Variants in FYB1 observed in about 807,000 individuals in gnomAD.
The protein encoded by FYB1 is FYN binding protein 1, also known as FYN-binding protein 1.
FYB1 carries 41 observed loss-of-function variants against 94.1 expected under a neutral mutation model. The ratio of observed to expected loss-of-function variants is 0.44; its 90% confidence interval spans 0.34 to 0.57. The LOEUF is 0.57. FYB1 is among the 20% of genes least tolerant of loss of function. FYB1 has a pLI of 0.02. For missense variants in FYB1, 1,050 were observed against 976.8 expected, an observed-to-expected ratio of 1.07 and a Z score of -1.00; for synonymous variants, 367 against 353.2, an observed-to-expected ratio of 1.04 and a Z score of -0.44.
intron 2 of FYB1, among the ~76,000 whole-genome samples, chr5:39,184,642 A>G (rs895973929): frequency 7.9e-5 from 12 of 152,202 alleles, no homozygotes; most frequent in African/African-American, 2.7e-4. Flanking sequence ...TGCTATTGAA[A>G]ACTGGACTTT....
Position 39,243,504 on chromosome 5 carries a change from C to G in FYB1, c.-28+30899G>C, listed in dbSNP as rs1292958217. On this transcript the variant is annotated intron_variant, in intron 1 of 1. Transcript: ENST00000510188. ...TGTTCTGTTCCATTGGTCTATATCT[C>G]TGTTTTGGTACCAGTACCATGCTGT... Among the ~76,000 whole-genome samples the G allele has an allele frequency of 8.5e-4, 129 of 152,078 alleles. 1 individual carries two copies. The highest frequency in any genetic ancestry group is 2.9e-3 in the African/African-American group (119 of 41,374).
chr5:39,159,583 G>A (rs1744065784), intron 2 of FYB1, among the ~76,000 whole-genome samples: 1 of 152,068 alleles, frequency 6.6e-6, no homozygotes, highest in African/African-American at 2.4e-5. Flanking sequence ...TACTACAGAT[G>A]ACCTTACCTC....
chr5:39,186,819 C>A (rs952257976), intron 2 of FYB1, among the ~76,000 whole-genome samples: 3 of 151,948 alleles, frequency 2.0e-5, no homozygotes, highest in Non-Finnish European at 4.4e-5. Context: ...GTACTAGGAA[C>A]TGTGCTACGT....
At chr5:39,200,496 G>A (rs1008019814) in intron 2 of FYB1, among the ~76,000 whole-genome samples, 2 of 152,204 alleles carry the variant, frequency 1.3e-5, no homozygotes, top group Non-Finnish European at 2.9e-5. Flanking sequence ...GAAGAAATAA[G>A]AGAAATAAGG....
chr5:39,171,105 T>C (rs1238292334), intron 2 of FYB1, among the ~76,000 whole-genome samples: 1 of 151,930 alleles, frequency 6.6e-6, no homozygotes, highest in African/African-American at 2.4e-5. Context: ...CTGGCCAACA[T>C]GGTGAAACCC....
chr5:39,205,932 T>C (rs2150508568), intron 1 of FYB1, among the ~76,000 whole-genome samples: 1 of 152,322 alleles, frequency 6.6e-6, no homozygotes, highest in African/African-American at 2.4e-5. Flanking sequence ...GTAAAATTCT[T>C]AGATAAGAAT....
At chr5:39,172,801 A>G (rs1423135773) in intron 2 of FYB1, among the ~76,000 whole-genome samples, 1 of 152,214 alleles carries the variant, frequency 6.6e-6, no homozygotes, top group Non-Finnish European at 1.5e-5. Flanking sequence ...GTTGCTGCAT[A>G]GTATTCCATG....
chr5:39,230,429 C>T (rs1750669944), intron 1 of FYB1, among the ~76,000 whole-genome samples: 1 of 152,086 alleles, frequency 6.6e-6, no homozygotes, highest in Non-Finnish European at 1.5e-5. Flanking sequence ...TCTGCCCACA[C>T]CTCAGAGGCT....
chr5:39,178,830 GT>G (rs1745962089), intron 2 of FYB1, among the ~76,000 whole-genome samples: 1 of 152,180 alleles, frequency 6.6e-6, no homozygotes, highest in Admixed American at 6.5e-5. Flanking sequence ...CATTGCAATA[GT>G]TTTCTGATAG....
intron 2 of FYB1, among the ~76,000 whole-genome samples, chr5:39,166,583 C>G (rs1037962342): frequency 6.6e-6 from 1 of 151,934 alleles, no homozygotes; most frequent in East Asian, 1.9e-4. Flanking sequence ...ATGGATGACA[C>G]TGATAAAGAA....
At chr5:39,122,516 C>G (rs1382082267) in intron 13 of FYB1, 114 bp from the exon 14 acceptor site, 2 of 617,552 alleles carry the variant, frequency 3.2e-6, no homozygotes, top group Non-Finnish European at 5.7e-6. Context: ...AATAAGTTGT[C>G]CTAGTGTCTC....
intron 2 of FYB1, among the ~76,000 whole-genome samples, chr5:39,185,298 C>T (rs1746645172): frequency 6.6e-6 from 1 of 151,960 alleles, no homozygotes; most frequent in South Asian, 2.1e-4. Context: ...ATTTTTCACT[C>T]TTCTTTGCAT....
intron 1 of FYB1, chr5:39,269,758 C>A (rs1752595091): frequency 6.6e-6 from 1 of 152,210 alleles, no homozygotes; most frequent in Admixed American, 6.6e-5. Flanking sequence ...TGGGGGCTGA[C>A]AAAAGGCAGG....
chr5:39,118,235 C>T (rs531329676), intron 16 of FYB1, among the ~76,000 whole-genome samples: 36 of 152,212 alleles, frequency 2.4e-4, no homozygotes, highest in Non-Finnish European at 3.8e-4. Context: ...CTGATAAAGT[C>T]AAAGGAGATG....
In FYB1 at chr5:39,245,257, G is replaced by C. The variant is rs76641145; in HGVS notation, c.-28+29146C>G. 6.5e-3 allele frequency among the ~76,000 whole-genome samples: 990 copies of C among 152,238 alleles called. 14 individuals are homozygous for C. The highest frequency in any genetic ancestry group is 0.023 in the African/African-American group (939 of 41,530). ...TTTTCCTAATGCAAAATGAGATATAGGGTCAAAATACCTATAAATCTCTGG... is the reference window on the plus strand; with the variant it reads ...TTTTCCTAATGCAAAATGAGATATACGGTCAAAATACCTATAAATCTCTGG... On this transcript the variant is annotated intron_variant, in intron 1 of 1. Transcript: ENST00000510188.
intron 1 of FYB1, among the ~76,000 whole-genome samples, chr5:39,267,759 A>T (rs1057205508): frequency 6.6e-6 from 1 of 152,270 alleles, no homozygotes; most frequent in African/African-American, 2.4e-5. Context: ...TTATATAGTA[A>T]GAAACTTAAA....
intron 16 of FYB1, among the ~76,000 whole-genome samples, chr5:39,113,939 C>G (rs192577620): frequency 4.9e-4 from 75 of 152,074 alleles, no homozygotes; most frequent in African/African-American, 1.5e-3. Flanking sequence ...CCCCTCTTCT[C>G]TGTTTATATT....
chr5:39,177,175 G>A (rs142928545), intron 2 of FYB1, among the ~76,000 whole-genome samples: 1 of 152,262 alleles, frequency 6.6e-6, no homozygotes, highest in Admixed American at 6.5e-5. Context: ...GTAACATCAT[G>A]CAGTGGCCCC....
chr5:39,204,225 A>T (rs564705049), intron 1 of FYB1, among the ~76,000 whole-genome samples: 4 of 152,268 alleles, frequency 2.6e-5, no homozygotes, highest in Non-Finnish European at 5.9e-5. Context: ...TTCCTCTTAG[A>T]GTGATGAGAA....
Sources: allele counts gnomAD v4.1 joint callset (sites outside exome capture counted in the v4.1 genomes callset), GRCh38; gene constraint gnomAD v4.1.1; transcripts MANE v1.5; gene names NCBI Gene and HGNC (gene_info 2026-07-23, HGNC 2026-07-21).